STAT5A: variants seen among roughly 807,000 people sequenced by gnomAD.
STAT5A encodes signal transducer and activator of transcription 5A, also known as epididymis secretory sperm binding protein.
Under a neutral mutation model 100.2 loss-of-function variants are expected in STAT5A, and 26 were observed. That is an observed-to-expected ratio of 0.26 (90% CI 0.19 to 0.36). The LOEUF (loss-of-function observed/expected upper bound fraction) is 0.36, where lower values mean the gene tolerates loss of function less well. Ranked by LOEUF, STAT5A falls within the 10% of genes least tolerant of loss-of-function variation. The pLI, the probability that STAT5A is intolerant of heterozygous loss-of-function variation, is 1.00. For missense variants in STAT5A, 634 were observed against 1,027.5 expected (o/e 0.62, Z 5.24); for synonymous variants, 330 against 424.3 (o/e 0.78, Z 2.73).
At chr17:42,305,528 T>G in intron 11 of STAT5A, 82 bp from the exon 12 acceptor site, 1 of 1,122,192 alleles carries the variant, frequency 8.9e-7, no homozygotes, top group Non-Finnish European at 1.3e-6. Context: ...TAAAAAAAAA[T>G]AAAGCAGATT....
intron 17 of STAT5A, 43 bp from the exon 18 acceptor site, chr17:42,309,334 C>G (rs192742898): frequency 6.2e-7 from 1 of 1,606,892 alleles, no homozygotes; most frequent in Non-Finnish European, 8.5e-7. Context: ...TCAGCTGCCC[C>G]GGCCTCCCTG....
At chr17:42,292,583 C>T (rs1043472605) in intron 4 of STAT5A, among the ~76,000 whole-genome samples, 2 of 151,726 alleles carry the variant, frequency 1.3e-5, no homozygotes, top group African/African-American at 4.8e-5. Flanking sequence ...CCTCGGCCTC[C>T]CAAAGTACTG....
In STAT5A at chr17:42,299,740, C is replaced by G. The variant is rs2080957024; in HGVS notation, c.551-11C>G. The G allele has an allele frequency of 6.2e-7, 1 of 1,614,104 alleles. No individual in the cohort carries two copies. Among genetic ancestry groups the G allele is most frequent in the African/African-American group, 1.3e-5 (1 of 74,944 alleles). The stretch of plus-strand genomic sequence containing the variant: ...GAGGTGATGGTCATGGTTTCCTCTT[C>G]TCTCCTCTAGCTCAGTTTGCCCAGC... On this transcript the variant is annotated splice_polypyrimidine_tract_variant and intron_variant, in intron 5 of 18. Coordinates refer to ENST00000590949, the MANE Select transcript of STAT5A (RefSeq NM_001288718.2).
intron 4 of STAT5A, among the ~76,000 whole-genome samples, chr17:42,292,751 C>T (rs2080882910): frequency 2.0e-5 from 3 of 151,902 alleles, no homozygotes; most frequent in Admixed American, 1.3e-4. Flanking sequence ...CTCAGCCTCC[C>T]GAGTAGCTGG....
intron 7 of STAT5A, 51 bp downstream of exon 7, chr17:42,300,332 C>T (rs1316384547): frequency 1.9e-6 from 3 of 1,589,804 alleles, no homozygotes; most frequent in Admixed American, 1.8e-5. Flanking sequence ...TGGTGGGGAC[C>T]CCGGCTGCTT....
intron 9 of STAT5A, among the ~76,000 whole-genome samples, chr17:42,302,846 C>T (rs1461018164): frequency 2.0e-5 from 3 of 151,902 alleles, no homozygotes; most frequent in Non-Finnish European, 4.4e-5. Context: ...GTCCTAACTA[C>T]CAACTACTCT....
Position 42,311,036 on chromosome 17 carries a change from G to T in STAT5A, c.*367G>T, listed in dbSNP as rs183951270. 3.8e-6 allele frequency: 1 copy of T among 261,860 alleles called. No homozygotes were observed. The highest frequency in any genetic ancestry group is 7.6e-6 in the Non-Finnish European group (1 of 130,754). The allele number at this position is 261,860 out of a possible 1,614,324, so 16.2% of individuals were successfully genotyped here. On this transcript the variant is annotated 3_prime_UTR_variant, in exon 19 of 19. Coordinates refer to ENST00000590949, the MANE Select transcript of STAT5A (RefSeq NM_001288718.2). ...TGATTCAGAAGGGGAGGGGAGACAG[G>T]TAACGTCTGTAAGCTGAAGTTTCAC...
At chr17:42,294,355 G>A (rs1410377931) in intron 4 of STAT5A, among the ~76,000 whole-genome samples, 1 of 152,114 alleles carries the variant, frequency 6.6e-6, no homozygotes, top group Non-Finnish European at 1.5e-5. Flanking sequence ...CCATGTCCAT[G>A]GTGCTGGTGC....
At position 42,310,579 on chromosome 17, in the gene STAT5A, G is replaced by A; in HGVS notation, c.2295G>A (p.Glu765=). 6.2e-7 allele frequency: 1 copy of A among 1,614,248 alleles called. No homozygotes were observed. The highest frequency in any genetic ancestry group is 1.7e-5 in the Admixed American group (1 of 60,030). Residue 765 remains glutamate (E), a synonymous_variant, in exon 19 of 19, where the codon GAG becomes GAA. Coordinates refer to ENST00000590949, the MANE Select transcript of STAT5A (RefSeq NM_001288718.2). ...DETMDVARHV[E]ELLRRPMDSL... is the part of the protein sequence containing the mutation. ...CCATGGATGTGGCCAGGCACGTGGA[G>A]GAACTCTTACGCCGACCAATGGACA...
chr17:42,291,901 C>A, intron 3 of STAT5A, 71 bp from the exon 4 acceptor site: 1 of 1,542,738 alleles, frequency 6.5e-7, no homozygotes, highest in Non-Finnish European at 8.9e-7. Flanking sequence ...AGAGGAAGGG[C>A]TGGGCATAGC....
At chr17:42,289,643 GTCCT>G (rs1394315579) in intron 2 of STAT5A, 104 bp downstream of exon 2, 1 of 1,493,456 alleles carries the variant, frequency 6.7e-7, no homozygotes, top group East Asian at 2.4e-5. Flanking sequence ...GGTCCTGCCT[GTCCT>G]TCTTTGTGCG....
At chr17:42,309,189 G>A (rs1356797650) in intron 17 of STAT5A, 91 bp downstream of exon 17, 28 of 1,606,402 alleles carry the variant, frequency 1.7e-5, no homozygotes, top group African/African-American at 4.0e-5. Flanking sequence ...CCAGCTTTCC[G>A]CTCCCCCAGG....
In STAT5A at chr17:42,300,247, C is replaced by A; in HGVS notation, c.799C>A (p.Pro267Thr). The change falls in exon 7 of 19, where the codon CCC (proline) becomes ACC (threonine). Residue 267 changes from proline (P) to threonine (T), a missense_variant. Around this residue, in one of 5 missense-constraint regions of STAT5A, gnomAD observed 31 missense variants for 97.6 expected, o/e 0.32. Coordinates refer to ENST00000590949, the MANE Select transcript of STAT5A (RefSeq NM_001288718.2). ...GCAGCAGCTGGCCGGGAACGGCGGGCCCCCCGAGGGCAGCCTGGACGTGCT... is the reference window on the plus strand; with the variant it reads ...GCAGCAGCTGGCCGGGAACGGCGGGACCCCCGAGGGCAGCCTGGACGTGCT... ...RRQQLAGNGG[P>T]PEGSLDVLQS... 1 of 1,462,556 alleles carries A rather than the reference C, an allele frequency of 6.8e-7. No homozygotes were observed. Among genetic ancestry groups the A allele is most frequent in the East Asian group, 2.5e-5 (1 of 40,102 alleles). The allele number at this position is 1,462,556 out of a possible 1,614,324, so 90.6% of individuals were successfully genotyped here.
chr17:42,299,325 C>A (rs568873474), intron 5 of STAT5A, among the ~76,000 whole-genome samples: 4 of 152,366 alleles, frequency 2.6e-5, no homozygotes, highest in South Asian at 2.1e-4. Flanking sequence ...GAGAATCTCC[C>A]GTTTTACACG....
intron 4 of STAT5A, 148 bp from the exon 5 acceptor site, chr17:42,295,471 C>A: frequency 1.2e-6 from 1 of 801,800 alleles, no homozygotes; most frequent in Non-Finnish European, 1.9e-6. Context: ...CCTTCTGATG[C>A]AAATGATCCT....
Position 42,292,243 on chromosome 17 carries a change from G to A in STAT5A, c.375+182G>A, listed in dbSNP as rs114179903. 3.4e-3 allele frequency among the ~76,000 whole-genome samples: 525 copies of A among 152,324 alleles called. 3 individuals are homozygous for A. The highest frequency in any genetic ancestry group is 0.012 in the African/African-American group (504 of 41,570). ...GGGGTGGAGTGACCCCCTGGATCCA[G>A]TCCCTGGCTCTACCACTTACTAGCT... On this transcript the variant is annotated intron_variant, in intron 4 of 18. Transcript: ENST00000590949.
chr17:42,297,228 T>C (rs9889323), intron 5 of STAT5A, among the ~76,000 whole-genome samples: 56,245 of 152,038 alleles, frequency 0.37, 12,090 homozygotes, highest in African/African-American at 0.6. Flanking sequence ...TGAGCCACGG[T>C]GCCCAGCCAA....
chr17:42,290,144 C>G (rs2080856761), intron 3 of STAT5A, 122 bp downstream of exon 3: 1 of 1,322,644 alleles, frequency 7.6e-7, no homozygotes, highest in Non-Finnish European at 9.9e-7. Context: ...TTATTGGGAA[C>G]TTTTCTTCGA....
chr17:42,306,713 T>A (rs1045388782), intron 13 of STAT5A, among the ~76,000 whole-genome samples: 3 of 151,956 alleles, frequency 2.0e-5, no homozygotes, highest in African/African-American at 4.8e-5. Flanking sequence ...CTAGATGTGT[T>A]TGCTAATTTT....
Sources: gnomAD v4.1 joint callset for allele counts (sites outside exome capture counted in the v4.1 genomes callset) on GRCh38, gnomAD v4.1.1 for gene constraint, gnomAD v4.1.1 regional missense constraint, MANE v1.5 for transcripts, NCBI Gene and HGNC (gene_info 2026-07-23, HGNC 2026-07-21) for gene names.